The following NUP93 variants were observed in gnomAD, a reference collection of about 807,000 sequenced individuals.
NUP93 encodes nuclear pore complex protein Nup93.
NUP93 carries 55 observed loss-of-function variants against 107.8 expected under a neutral mutation model. The observed-to-expected ratio is 0.51, with a 90% CI of 0.41 to 0.64. The LOEUF (loss-of-function observed/expected upper bound fraction) is 0.64, where lower values mean the gene tolerates loss of function less well. Among genes scored for constraint, NUP93 ranks in the 30% least tolerant of loss-of-function variants. The probability of loss-of-function intolerance (pLI) is 0.00; values close to 1 mark genes in which losing one functional copy is unlikely to be tolerated. For synonymous variants in NUP93, 390 were observed against 397.5 expected (o/e 0.98, Z 0.22); for missense variants, 937 against 1,044.7 (o/e 0.90, Z 1.42).
chr16:56,837,634 G>T lies in NUP93; in HGVS notation c.1926G>T (p.Met642Ile). 6.2e-7 allele frequency: 1 copy of T among 1,614,148 alleles called. No homozygotes were observed. Among genetic ancestry groups the T allele is most frequent in the Non-Finnish European group, 8.5e-7 (1 of 1,179,992 alleles). Residue 642 changes from methionine to isoleucine, a missense_variant, in exon 18 of 22, where the codon ATG becomes ATT. Transcript: ENST00000308159. ...AKNADKVLEL[M>I]NKLLSPVVPQ... ...ATGCTGACAAGGTACTGGAGCTGAT[G>T]AACAAACTGCTGAGCCCTGTCGTCC...
In NUP93 at chr16:56,821,542, G is replaced by A. The variant is rs1169434083; in HGVS notation, c.603G>A (p.Leu201=). 1 of 1,613,230 alleles carries A rather than the reference G, an allele frequency of 6.2e-7. No homozygotes were observed. Among genetic ancestry groups the A allele is most frequent in the East Asian group, 2.2e-5 (1 of 44,896 alleles). The change falls in exon 7 of 22, where the codon CTG becomes CTA. Residue 201 remains leucine, a synonymous_variant. Transcript: ENST00000308159. Reference sequence around the variant, plus strand: ...ATGAGAAAATTGTAAATGGACACCTGCAGCCTAACCTGGTGGACCTTTGTG... The same window carrying A: ...ATGAGAAAATTGTAAATGGACACCTACAGCCTAACCTGGTGGACCTTTGTG... ...IYNEKIVNGH[L]QPNLVDLCAS...
chr16:56,836,652 G>A lies in NUP93; in HGVS notation c.1834G>A (p.Val612Ile). The change falls in exon 17 of 22, where the codon GTT becomes ATT. Residue 612 changes from valine to isoleucine, a missense_variant. Transcript: ENST00000308159. ...TSDTKPIINKVASVAENKGLF... is the reference protein window; with the variant it reads ...TSDTKPIINKIASVAENKGLF... The stretch of plus-strand genomic sequence containing the variant: ...TGACACAAAGCCTATTATCAACAAA[G>A]TTGCTTCTGTGGCAGAAAATAAAGG... The A allele has an allele frequency of 3.1e-6, 5 of 1,614,136 alleles. No homozygotes were observed. The highest frequency in any genetic ancestry group is 4.2e-6 in the Non-Finnish European group (5 of 1,179,998).
rs77834673 is a variant in NUP93, at chr16:56,845,559, G to T, written c.*950G>T. The T allele has an allele frequency of 7.8e-3, 1,191 of 152,372 alleles. 17 individuals are homozygous for T. The highest frequency in any genetic ancestry group is 0.027 in the African/African-American group (1,107 of 41,560). 9.4% of individuals were successfully genotyped at this position (152,372 alleles called of 1,614,324 possible). A position where few individuals can be genotyped will look rare whatever the true frequency, so the allele number is the denominator to read the frequency against. On this transcript the variant is annotated 3_prime_UTR_variant, in exon 22 of 22. Transcript: ENST00000308159. ...GAGCAGTAGTTGTCACCCATCATTT[G>T]CTCTGTTTCCCCCACCATCAGTCCC...
intron 3 of NUP93, among the ~76,000 whole-genome samples, chr16:56,795,634 T>TTTTATA (rs1962880294): frequency 6.8e-6 from 1 of 146,612 alleles, no homozygotes; most frequent in Non-Finnish European, 1.5e-5. Context: ...GGAGGAATAT[T>TTTTATA]TTTATTTTTA....
At chr16:56,799,073 A>G (rs1303295131) in intron 4 of NUP93, among the ~76,000 whole-genome samples, 2 of 152,108 alleles carry the variant, frequency 1.3e-5, no homozygotes, top group African/African-American at 4.8e-5. Flanking sequence ...CTGGACAATT[A>G]ACTATTAAAT....
At chr16:56,799,326 C>T (rs1234462396) in intron 4 of NUP93, among the ~76,000 whole-genome samples, 4 of 152,148 alleles carry the variant, frequency 2.6e-5, no homozygotes, top group East Asian at 1.9e-4. Context: ...TAAATAAGTC[C>T]GCCAAAGACC....
chr16:56,835,946 G>A (rs1567412339), intron 16 of NUP93, among the ~76,000 whole-genome samples: 1 of 152,104 alleles, frequency 6.6e-6, no homozygotes, highest in African/African-American at 2.4e-5. Context: ...GGCTAACACG[G>A]TGAAACCCTG....
chr16:56,837,581 C>T, intron 17 of NUP93, 27 bp from the exon 18 acceptor site: 2 of 1,538,430 alleles, frequency 1.3e-6, no homozygotes, highest in South Asian at 1.1e-5. Context: ...TTATTGATTG[C>T]TTCCTTAATT....
At chr16:56,840,447 C>G (rs1964001008) in intron 20 of NUP93, among the ~76,000 whole-genome samples, 1 of 152,204 alleles carries the variant, frequency 6.6e-6, no homozygotes, top group Non-Finnish European at 1.5e-5. Flanking sequence ...CTCAGCTGGG[C>G]TGCATACTGG....
At chr16:56,817,586 A>C (rs1209256826) in intron 5 of NUP93, among the ~76,000 whole-genome samples, 1 of 152,196 alleles carries the variant, frequency 6.6e-6, no homozygotes, top group Non-Finnish European at 1.5e-5. Flanking sequence ...AATTTACCTA[A>C]TTTTGATCTG....
chr16:56,814,497 C>A (rs1296574352), intron 5 of NUP93, among the ~76,000 whole-genome samples: 1 of 152,108 alleles, frequency 6.6e-6, no homozygotes, highest in East Asian at 1.9e-4. Flanking sequence ...GCCTGCATTT[C>A]GTTTTTTTCT....
In NUP93 at chr16:56,752,705, T is replaced by A. The variant is rs1433378685; in HGVS notation, c.179+4279T>A. On this transcript the variant is annotated intron_variant, in intron 2 of 21. Transcript: ENST00000308159. ...GACTTAGAATAGCCAAAACAATCTT[T>A]AAAAAGCAGAAGAAAGTTGGAAGAA... Among the ~76,000 whole-genome samples, 3 of 152,152 alleles carry A rather than the reference T, an allele frequency of 2.0e-5. No homozygotes were observed. The East Asian group carries it at 5.8e-4, about 29-fold the overall frequency.
intron 8 of NUP93, among the ~76,000 whole-genome samples, chr16:56,825,205 C>CTTTTTTTT (rs34378384): frequency 2.6e-5 from 2 of 76,344 alleles, no homozygotes; most frequent in Admixed American, 1.6e-4. Flanking sequence ...CCATACCCAG[C>CTTTTTTTT]TTTTTTTTTT....
rs1260915059 is a variant in NUP93, at chr16:56,833,324, G to A, written c.1455G>A (p.Leu485=). Residue 485 remains leucine, a synonymous_variant, in exon 13 of 22, where the codon CTG becomes CTA. Coordinates refer to ENST00000308159, the MANE Select transcript of NUP93 (RefSeq NM_014669.5). ...CCTTTCTTTTCCGCATGGAGCGGCT[G>A]CGCTGCCATGCTGTCCATGTAGCAC... ...AVAFLFRMER[L]RCHAVHVALV... 1 of 1,607,060 alleles carries A rather than the reference G, an allele frequency of 6.2e-7. No individual in the cohort carries two copies. Among genetic ancestry groups the A allele is most frequent in the Admixed American group, 1.7e-5 (1 of 58,756 alleles).
chr16:56,841,658 C>T, intron 20 of NUP93, 47 bp from the exon 21 acceptor site: 1 of 1,604,336 alleles, frequency 6.2e-7, no homozygotes. Flanking sequence ...GTGGTTGGCC[C>T]CAAAGGCTTG....
chr16:56,734,890 C>T (rs534222202), intron 1 of NUP93, among the ~76,000 whole-genome samples: 1 of 152,158 alleles, frequency 6.6e-6, no homozygotes, highest in Non-Finnish European at 1.5e-5. Context: ...TCCCCCTAAC[C>T]CCTCCCACTC....
At chr16:56,767,800 A>C (rs1159937099) in intron 3 of NUP93, among the ~76,000 whole-genome samples, 3 of 152,194 alleles carry the variant, frequency 2.0e-5, no homozygotes, top group Non-Finnish European at 4.4e-5. Context: ...TTGAAAGTTT[A>C]TGGGCATTTA....
chr16:56,731,284 A>C (rs2144422636), intron 1 of NUP93, among the ~76,000 whole-genome samples: 1 of 152,104 alleles, frequency 6.6e-6, no homozygotes, highest in Non-Finnish European at 1.5e-5. Flanking sequence ...GCTCCCCTTC[A>C]TTACTCTCCC....
At chr16:56,780,305 C>T (rs1478857613) in intron 3 of NUP93, among the ~76,000 whole-genome samples, 1 of 152,188 alleles carries the variant, frequency 6.6e-6, no homozygotes, top group Non-Finnish European at 1.5e-5. Context: ...CTAGAAAGCT[C>T]TTCAGCTTTA....
Sources: allele counts gnomAD v4.1 joint callset (sites outside exome capture counted in the v4.1 genomes callset), GRCh38; gene constraint gnomAD v4.1.1; transcripts MANE v1.5; gene names NCBI Gene and HGNC (gene_info 2026-07-23, HGNC 2026-07-21).